Variants in PCDHGA6 observed in about 807,000 individuals in gnomAD.
PCDHGA6 encodes protocadherin gamma-A6.
A neutral mutation model predicts 60.6 loss-of-function variants in PCDHGA6; 41 were observed. The ratio of observed to expected loss-of-function variants is 0.68; its 90% CI spans 0.53 to 0.88. The LOEUF (loss-of-function observed/expected upper bound fraction) is 0.88, where lower values mean the gene tolerates loss of function less well. Ranked by LOEUF, PCDHGA6 falls within the 40% of genes least tolerant of loss-of-function variation. PCDHGA6 has a pLI of 0.00. For missense variants in PCDHGA6, 1,312 were observed against 1,203.0 expected, an observed-to-expected ratio of 1.09 and a Z score of -1.34; for synonymous variants, 594 against 524.4, an observed-to-expected ratio of 1.13 and a Z score of -1.81.
intron 1 of PCDHGA6, among the ~76,000 whole-genome samples, chr5:141,471,737 A>G (rs2099263581): frequency 6.6e-6 from 1 of 152,232 alleles, no homozygotes; most frequent in Non-Finnish European, 1.5e-5. Context: ...AAGGTTGGAG[A>G]CATAACATAT....
chr5:141,423,972 T>A (rs1459859824), intron 1 of PCDHGA6: 2 of 1,128,544 alleles, frequency 1.8e-6, no homozygotes, highest in African/African-American at 3.3e-5. Flanking sequence ...CTATTATCAG[T>A]GTATGAGGCT....
intron 1 of PCDHGA6, chr5:141,440,348 C>G (rs2098169693): frequency 6.6e-6 from 1 of 152,190 alleles, no homozygotes; most frequent in South Asian, 2.1e-4. Flanking sequence ...GGCCTATAAT[C>G]CTAGCTACTC....
chr5:141,461,213 T>C (rs1457474925), intron 1 of PCDHGA6, among the ~76,000 whole-genome samples: 1 of 152,168 alleles, frequency 6.6e-6, no homozygotes, highest in African/African-American at 2.4e-5. Flanking sequence ...AGAATCTCCA[T>C]ACTGTTTTCC....
intron 1 of PCDHGA6, chr5:141,420,464 C>A: frequency 1.2e-6 from 1 of 801,488 alleles, no homozygotes; most frequent in South Asian, 4.0e-5. Flanking sequence ...TATTCAAAGA[C>A]ATTTTAAAGC....
At chr5:141,415,725 T>A in intron 1 of PCDHGA6, 1 of 1,437,122 alleles carries the variant, frequency 7.0e-7, no homozygotes, top group Non-Finnish European at 9.2e-7. Context: ...TGAGTAGAAT[T>A]TGATGTTTAT....
intron 1 of PCDHGA6, chr5:141,418,346 A>G (rs780933957): frequency 1.7e-5 from 27 of 1,614,022 alleles, no homozygotes; most frequent in South Asian, 2.2e-5. Flanking sequence ...TCCTGATATT[A>G]GTATGAATTC....
rs777761385 is a variant in PCDHGA6 at position 141,489,558 on chromosome 5, G to T, written c.2425-5249G>T. 1.1e-5 allele frequency: 17 copies of T among 1,614,130 alleles called. No homozygotes were observed. In the South Asian group the frequency reaches 1.8e-4, roughly 17 times the overall value. On this transcript the variant is annotated intron_variant, in intron 1 of 3. Coordinates refer to ENST00000517434, the MANE Select transcript of PCDHGA6 (RefSeq NM_018919.3). The surrounding 1 kb of genome is among the most constrained non-coding windows in gnomAD (Gnocchi z 4.5). Reference sequence around the variant, plus strand: ...CCAGCACCAGCTGCCTGCTGCCAGTGCAGGTGGTGACTGAACACCCCCTGG... The same window carrying T: ...CCAGCACCAGCTGCCTGCTGCCAGTTCAGGTGGTGACTGAACACCCCCTGG...
chr5:141,421,515 C>A, intron 1 of PCDHGA6: 3 of 1,614,080 alleles, frequency 1.9e-6, no homozygotes, highest in Non-Finnish European at 2.5e-6. Context: ...GGGAGGAGCT[C>A]TGTGAGACGG....
chr5:141,447,168 T>C (rs1027377060), intron 1 of PCDHGA6, among the ~76,000 whole-genome samples: 2 of 152,174 alleles, frequency 1.3e-5, no homozygotes, highest in Non-Finnish European at 2.9e-5. Context: ...AAGCGGGGTC[T>C]TGCTCTTGTC....
chr5:141,487,040 C>T lies in PCDHGA6; in HGVS notation c.2425-7767C>T, dbSNP rs374574042. The T allele has an allele frequency of 3.7e-6, 6 of 1,614,136 alleles. No homozygotes were observed. Among genetic ancestry groups the T allele is most frequent in the South Asian group, 1.1e-5 (1 of 91,082 alleles). On this transcript the variant is annotated intron_variant, in intron 1 of 3. Transcript: ENST00000517434. This position sits in a 1 kb window ranked among gnomAD's most constrained non-coding sequence, Gnocchi z 5.0. Reference sequence around the variant, plus strand: ...AGATCCCAGCCTGTTTGCAGTCTCTCGATATGCTGGGGAGGTGCGGACGGC... The same window carrying T: ...AGATCCCAGCCTGTTTGCAGTCTCTTGATATGCTGGGGAGGTGCGGACGGC...
At chr5:141,403,420 A>G in intron 1 of PCDHGA6, 1 of 1,614,050 alleles carries the variant, frequency 6.2e-7, no homozygotes, top group African/African-American at 1.3e-5. Flanking sequence ...CACTTCCAGA[A>G]GCTATTGATC....
At chr5:141,420,164 A>G (rs2096471602) in intron 1 of PCDHGA6, 1 of 1,614,040 alleles carries the variant, frequency 6.2e-7, no homozygotes, top group Non-Finnish European at 8.5e-7. Context: ...TAATTTTTTC[A>G]CATCTGTTGA....
chr5:141,422,873 T>C (rs1474438774), intron 1 of PCDHGA6: 1 of 1,614,158 alleles, frequency 6.2e-7, no homozygotes, highest in Admixed American at 1.7e-5. Flanking sequence ...AACGTGTCGC[T>C]GAGCCTGTTC....
rs1304750292 is a variant in PCDHGA6 at position 141,383,376 on chromosome 5, T to A, written c.2424+6869T>A. 7 of 1,613,980 alleles carry A rather than the reference T, an allele frequency of 4.3e-6. No homozygotes were observed. Among genetic ancestry groups the A allele is most frequent in the Non-Finnish European group, 5.1e-6 (6 of 1,179,894 alleles). ...GGTTTCCGTTAAGCGAGGCTGGGGA[T>A]CCAGATGTGGGCACGAACTCCCTCC... is the stretch of plus-strand genomic sequence containing the variant. On this transcript the variant is annotated intron_variant, in intron 1 of 3. Coordinates refer to ENST00000517434, the MANE Select transcript of PCDHGA6 (RefSeq NM_018919.3).
chr5:141,414,659 T>C lies in PCDHGA6; in HGVS notation c.2424+38152T>C, dbSNP rs566999623. On this transcript the variant is annotated intron_variant, in intron 1 of 3. Coordinates refer to ENST00000517434, the MANE Select transcript of PCDHGA6 (RefSeq NM_018919.3). ...GAGAATGCCCAGATTATTTACTCCC[T>C]GGCTGAAGACACCATCCAGGGGGTA... 21 of 1,614,010 alleles carry C rather than the reference T, an allele frequency of 1.3e-5. No homozygotes were observed. In the South Asian group the frequency reaches 2.2e-4, roughly 17 times the overall value.
chr5:141,410,090 C>G (rs369832481), intron 1 of PCDHGA6: 3 of 1,612,358 alleles, frequency 1.9e-6, no homozygotes, highest in South Asian at 2.2e-5. Context: ...GCGCACGGCT[C>G]GAGCCTTAGG....
chr5:141,488,518 G>A lies in PCDHGA6; in HGVS notation c.2425-6289G>A, dbSNP rs2233597. On this transcript the variant is annotated intron_variant, in intron 1 of 3. Coordinates refer to ENST00000517434, the MANE Select transcript of PCDHGA6 (RefSeq NM_018919.3). Reference sequence around the variant, plus strand: ...CACTCATTCCACATTTGGGGTCTGGGGTGTCAGAAAAGCTAAGTCCCATGT... The same window carrying A: ...CACTCATTCCACATTTGGGGTCTGGAGTGTCAGAAAAGCTAAGTCCCATGT... Among the ~76,000 whole-genome samples the A allele has an allele frequency of 5.8e-3, 879 of 152,218 alleles. 4 individuals are homozygous for A. The highest frequency in any genetic ancestry group is 0.021 in the African/African-American group (853 of 41,520).
chr5:141,462,552 T>A (rs966816379), intron 1 of PCDHGA6, among the ~76,000 whole-genome samples: 1 of 152,194 alleles, frequency 6.6e-6, no homozygotes, highest in Non-Finnish European at 1.5e-5. Context: ...TCTTCTTCAG[T>A]GTTTACTGTA....
chr5:141,441,887 A>G, intron 1 of PCDHGA6: 1 of 344,596 alleles, frequency 2.9e-6, no homozygotes, highest in African/African-American at 2.2e-5. Context: ...CTGGTCACCA[A>G]GGTGGTGGCT....
Sources: gnomAD v4.1 joint callset for allele counts (sites outside exome capture counted in the v4.1 genomes callset) on GRCh38, gnomAD v4.1.1 for gene constraint, Gnocchi (gnomAD v3.1) non-coding constraint, MANE v1.5 for transcripts, NCBI Gene and HGNC (gene_info 2026-07-23, HGNC 2026-07-21) for gene names.